DCAF6: variants seen among roughly 807,000 people sequenced by gnomAD.
The protein encoded by DCAF6 is DDB1 and CUL4 associated factor 6.
DCAF6 carries 54 observed loss-of-function variants against 125.1 expected under a neutral mutation model. That is an observed-to-expected ratio of 0.43 (90% CI 0.35 to 0.54). The LOEUF is 0.54. Among genes scored for constraint, DCAF6 ranks in the 20% least tolerant of loss-of-function variants. The pLI is 0.01. For synonymous variants in DCAF6, 371 were observed against 390.4 expected (o/e 0.95, Z 0.58); for missense variants, 934 against 1,161.7 (o/e 0.80, Z 2.85).
At chr1:167,955,842 C>T (rs1674692808) in intron 2 of DCAF6, among the ~76,000 whole-genome samples, 1 of 152,134 alleles carries the variant, frequency 6.6e-6, no homozygotes. Flanking sequence ...CTCACTATAG[C>T]CTCGACCTCC....
At chr1:167,884,897 T>C in the DCAF6 span, among the ~76,000 whole-genome samples, 7 of 151,982 alleles carry the variant, frequency 4.6e-5, no homozygotes, top group African/African-American at 1.5e-4. Flanking sequence ...GGGGTTTCAC[T>C]GTGTTAGTCA....
At chr1:168,051,408 A>C (rs997279216) in intron 17 of DCAF6, among the ~76,000 whole-genome samples, 10 of 152,196 alleles carry the variant, frequency 6.6e-5, no homozygotes, top group African/African-American at 2.4e-4. Flanking sequence ...TTCCTTATAA[A>C]TAGTTTAGAA....
In DCAF6 at chr1:168,037,150, G is replaced by A. The variant is rs189143894; in HGVS notation, c.1610-1221G>A. Among the ~76,000 whole-genome samples the A allele has an allele frequency of 5.0e-3, 675 of 133,998 alleles. 4 individuals carry two copies. The highest frequency in any genetic ancestry group is 0.018 in the African/African-American group (645 of 35,550). 87.9% of individuals were successfully genotyped at this position (133,998 alleles called of 152,430 possible). A position where few individuals can be genotyped will look rare whatever the true frequency, so the allele number is the denominator to read the frequency against. ...ATGAGGTCTCACCCAGACTCGACTC[G>A]AACTCCTGGGCTTAAGGGTTCCTCC... On this transcript the variant is annotated intron_variant, in intron 12 of 21. Transcript: ENST00000367840.
chr1:167,987,757 C>A, intron 5 of DCAF6, 149 bp downstream of exon 5: 14 of 509,802 alleles, frequency 2.7e-5, no homozygotes, highest in South Asian at 6.7e-5. Flanking sequence ...TTTTGTTTTG[C>A]TAAAATATTT....
chr1:168,023,071 A>G (rs1478728039), intron 12 of DCAF6, 24 bp downstream of exon 12: 1 of 1,611,598 alleles, frequency 6.2e-7, no homozygotes, highest in Non-Finnish European at 8.5e-7. Flanking sequence ...GAGATGCGCT[A>G]TGCCCATCCA....
At chr1:167,946,787 G>T (rs1008565884) in intron 1 of DCAF6, among the ~76,000 whole-genome samples, 1 of 152,004 alleles carries the variant, frequency 6.6e-6, no homozygotes, top group African/African-American at 2.4e-5. Flanking sequence ...TTTTGTTGAG[G>T]ATTTTTGCAT....
chr1:167,886,730 CA>C, the DCAF6 span, among the ~76,000 whole-genome samples: 1 of 152,070 alleles, frequency 6.6e-6, no homozygotes, highest in Non-Finnish European at 1.5e-5. Flanking sequence ...TTCTGAACAG[CA>C]AAAGAAATCA....
At chr1:167,905,040 G>T in the DCAF6 span, 1 of 1,614,132 alleles carries the variant, frequency 6.2e-7, no homozygotes, top group Non-Finnish European at 8.5e-7. Flanking sequence ...ATCCATAAAG[G>T]GTCGCTCTGG....
At chr1:167,938,487 C>T (rs1183884179) in intron 1 of DCAF6, among the ~76,000 whole-genome samples, 1 of 152,158 alleles carries the variant, frequency 6.6e-6, no homozygotes, top group African/African-American at 2.4e-5. Flanking sequence ...TAATGAACAT[C>T]ATTCTACAAG....
At chr1:168,023,814 A>G (rs1253484412) in intron 12 of DCAF6, 1 of 152,232 alleles carries the variant, frequency 6.6e-6, no homozygotes, top group Non-Finnish European at 1.5e-5. Context: ...TTACTATCTC[A>G]CCTCAGAATT....
intron 17 of DCAF6, among the ~76,000 whole-genome samples, chr1:168,051,926 G>T (rs1265709493): frequency 1.3e-5 from 2 of 150,530 alleles, no homozygotes; most frequent in African/African-American, 4.9e-5. Flanking sequence ...TGTTGCCCAG[G>T]CTGTAGTGCA....
At chr1:168,016,347 T>C (rs1177685021) in intron 11 of DCAF6, among the ~76,000 whole-genome samples, 3 of 152,214 alleles carry the variant, frequency 2.0e-5, no homozygotes, top group African/African-American at 4.8e-5. Context: ...CCTCTTTGAA[T>C]GTTAGCCAAT....
intron 2 of DCAF6, among the ~76,000 whole-genome samples, chr1:167,954,534 G>T (rs926745524): frequency 6.6e-6 from 1 of 151,748 alleles, no homozygotes; most frequent in South Asian, 2.1e-4. Context: ...CTCACTGCAA[G>T]CTCCGCCTCC....
At chr1:168,052,140 T>C (rs1690021051) in intron 17 of DCAF6, among the ~76,000 whole-genome samples, 1 of 152,210 alleles carries the variant, frequency 6.6e-6, no homozygotes. Context: ...CATGTTGGCC[T>C]CCCAGAGTGC....
At chr1:167,959,390 A>G (rs1675248618) in intron 2 of DCAF6, among the ~76,000 whole-genome samples, 1 of 152,154 alleles carries the variant, frequency 6.6e-6, no homozygotes, top group Admixed American at 6.5e-5. Flanking sequence ...GTGCAGGTGT[A>G]TGTGTGGACA....
chr1:168,056,457 TCGGCC>T (rs1690852895), intron 17 of DCAF6: 1 of 1,257,642 alleles, frequency 8.0e-7, no homozygotes, highest in Non-Finnish European at 1.0e-6. Flanking sequence ...GCGCTACGCC[TCGGCC>T]ACCCGCGCCG....
At chr1:168,029,989 AAAAAG>A (rs1273415569) in intron 12 of DCAF6, among the ~76,000 whole-genome samples, 1 of 152,096 alleles carries the variant, frequency 6.6e-6, no homozygotes, top group African/African-American at 2.4e-5. Context: ...CAAAAAAAAA[AAAAAG>A]AAAAGAAACA....
chr1:168,058,783 G>T (rs148923476), intron 17 of DCAF6, among the ~76,000 whole-genome samples: 1 of 152,110 alleles, frequency 6.6e-6, no homozygotes, highest in Non-Finnish European at 1.5e-5. Context: ...TAGTCAGGCT[G>T]GTCTTGAACT....
intron 2 of DCAF6, among the ~76,000 whole-genome samples, chr1:167,958,933 A>C (rs912915350): frequency 6.6e-6 from 1 of 152,206 alleles, no homozygotes; most frequent in African/African-American, 2.4e-5. Flanking sequence ...TCTTGGTTTC[A>C]GGCATCTTAT....
Sources: gnomAD v4.1 joint callset for allele counts (sites outside exome capture counted in the v4.1 genomes callset) on GRCh38, gnomAD v4.1.1 for gene constraint, MANE v1.5 for transcripts, NCBI Gene and HGNC (gene_info 2026-07-23, HGNC 2026-07-21) for gene names.